STT3B: variants seen among roughly 807,000 people sequenced by gnomAD.
The protein encoded by STT3B is dolichyl-diphosphooligosaccharide--protein glycosyltransferase subunit STT3B.
STT3B carries 29 observed loss-of-function variants against 96.8 expected under a neutral mutation model. The observed-to-expected ratio is 0.30, with a 90% CI of 0.22 to 0.41. STT3B has a LOEUF of 0.41. Among genes scored for constraint, STT3B ranks in the 10% least tolerant of loss-of-function variants. The pLI is 1.00. For synonymous variants in STT3B, 367 were observed against 360.0 expected (o/e 1.02, Z -0.22); for missense variants, 640 against 1,022.3 (o/e 0.63, Z 5.10).
At chr3:31,544,943 CG>C (rs113666822) in intron 1 of STT3B, among the ~76,000 whole-genome samples, 3,929 of 150,966 alleles carry the variant, frequency 0.026, 74 homozygotes, top group South Asian at 0.041. Flanking sequence ...TCTCAGGGAG[CG>C]GGGGGGGAAC....
chr3:31,552,874 C>T (rs1159903055), intron 1 of STT3B, among the ~76,000 whole-genome samples: 4 of 151,974 alleles, frequency 2.6e-5, no homozygotes, highest in Non-Finnish European at 2.9e-5. Context: ...GAGGCCGAGA[C>T]GGGCGGATCA....
intron 1 of STT3B, among the ~76,000 whole-genome samples, chr3:31,557,193 G>A (rs961027228): frequency 1.3e-5 from 2 of 152,180 alleles, no homozygotes; most frequent in Admixed American, 6.5e-5. Context: ...TCAGTTGGCT[G>A]TAAATATGTG....
chr3:31,536,103 G>A (rs1697087817), intron 1 of STT3B, among the ~76,000 whole-genome samples: 1 of 152,082 alleles, frequency 6.6e-6, no homozygotes, highest in African/African-American at 2.4e-5. Context: ...AAGATCTCAC[G>A]TAGTTAGGCA....
At chr3:31,634,091 A>G (rs1699715617) in intron 15 of STT3B, among the ~76,000 whole-genome samples, 1 of 152,206 alleles carries the variant, frequency 6.6e-6, no homozygotes, top group Non-Finnish European at 1.5e-5. Context: ...TTATATGAAT[A>G]TGTGCCAGAT....
At chr3:31,574,845 T>C (rs1322918455) in intron 1 of STT3B, among the ~76,000 whole-genome samples, 2 of 152,146 alleles carry the variant, frequency 1.3e-5, no homozygotes, top group Non-Finnish European at 2.9e-5. Flanking sequence ...TATTTTGAAA[T>C]GTATTGGGAT....
chr3:31,563,759 G>C (rs1401769121), intron 1 of STT3B, among the ~76,000 whole-genome samples: 1 of 152,182 alleles, frequency 6.6e-6, no homozygotes, highest in Non-Finnish European at 1.5e-5. Context: ...TGTTAGGATA[G>C]AGCCAGAACA....
Position 31,532,949 on chromosome 3 carries a change from C to A in STT3B, c.-50C>A. 6.5e-7 allele frequency: 1 copy of A among 1,547,084 alleles called. No individual in the cohort carries two copies. Among genetic ancestry groups the A allele is most frequent in the South Asian group, 1.2e-5 (1 of 84,764 alleles). On this transcript the variant is annotated 5_prime_UTR_variant, in exon 1 of 16. Coordinates refer to ENST00000295770, the MANE Select transcript of STT3B (RefSeq NM_178862.3). ...GGTCCCCGCCCAGCACCCCTCGCAC[C>A]AGGCGGCGGCGGCGGAGGAGGAGAG... is the stretch of plus-strand genomic sequence containing the variant.
chr3:31,556,537 T>C (rs1337606869), intron 1 of STT3B, among the ~76,000 whole-genome samples: 1 of 152,208 alleles, frequency 6.6e-6, no homozygotes, highest in African/African-American at 2.4e-5. Flanking sequence ...GAGTTCTGTT[T>C]TCTCTGCACC....
intron 13 of STT3B, among the ~76,000 whole-genome samples, chr3:31,627,988 T>C (rs1270255510): frequency 1.4e-5 from 2 of 144,818 alleles, no homozygotes; most frequent in African/African-American, 4.9e-5. Flanking sequence ...TATAAGAGGA[T>C]ATACAAAAAA....
intron 1 of STT3B, among the ~76,000 whole-genome samples, chr3:31,556,591 A>G (rs1324760316): frequency 1.3e-5 from 2 of 152,186 alleles, no homozygotes; most frequent in African/African-American, 2.4e-5. Flanking sequence ...TAGCCATTCT[A>G]ACTTGGGTAA....
At chr3:31,625,170 G>C in intron 12 of STT3B, 85 bp downstream of exon 12, 3 of 1,269,896 alleles carry the variant, frequency 2.4e-6, no homozygotes, top group Non-Finnish European at 3.3e-6. Flanking sequence ...TAGGAAAAAT[G>C]TGGGTGAAAA....
chr3:31,548,336 A>T (rs531166005), intron 1 of STT3B, among the ~76,000 whole-genome samples: 8 of 139,370 alleles, frequency 5.7e-5, no homozygotes, highest in Non-Finnish European at 9.6e-5. Context: ...TAAAACAGGG[A>T]AAAAAAATGT....
chr3:31,569,694 G>A (rs1023969354), intron 1 of STT3B, among the ~76,000 whole-genome samples: 17 of 152,040 alleles, frequency 1.1e-4, no homozygotes, highest in African/African-American at 3.9e-4. Context: ...ATTGGACATC[G>A]TTTTTTACTC....
intron 5 of STT3B, among the ~76,000 whole-genome samples, chr3:31,601,403 A>G (rs1698924850): frequency 6.6e-6 from 1 of 152,256 alleles, no homozygotes; most frequent in Non-Finnish European, 1.5e-5. Flanking sequence ...ATGCTACAAC[A>G]TGAACCTTGA....
At chr3:31,549,967 T>G (rs1020147014) in intron 1 of STT3B, among the ~76,000 whole-genome samples, 15 of 152,194 alleles carry the variant, frequency 9.9e-5, no homozygotes, top group Admixed American at 6.5e-4. Flanking sequence ...TTGTATGTGA[T>G]CTTAGATTTT....
intron 1 of STT3B, among the ~76,000 whole-genome samples, chr3:31,534,312 C>T (rs1306900914): frequency 6.6e-6 from 1 of 152,214 alleles, no homozygotes; most frequent in Non-Finnish European, 1.5e-5. Flanking sequence ...CACTAGCTAA[C>T]TTAGACACTA....
intron 1 of STT3B, among the ~76,000 whole-genome samples, chr3:31,563,417 A>G (rs1559366917): frequency 1.3e-5 from 2 of 152,348 alleles, no homozygotes; most frequent in Middle Eastern, 6.8e-3. Context: ...CTTTGTTGTG[A>G]TGGAGCTTAT....
chr3:31,561,884 A>T (rs996499891), intron 1 of STT3B, among the ~76,000 whole-genome samples: 12 of 150,992 alleles, frequency 7.9e-5, no homozygotes, highest in African/African-American at 2.7e-4. Flanking sequence ...TCTCCATATG[A>T]TTTTCTTTTT....
chr3:31,536,682 C>T (rs1697106594), intron 1 of STT3B, among the ~76,000 whole-genome samples: 1 of 152,164 alleles, frequency 6.6e-6, no homozygotes, highest in Admixed American at 6.5e-5. Flanking sequence ...GTACACTGCA[C>T]TTTTTTAACA....
Sources: gnomAD v4.1 joint callset for allele counts (sites outside exome capture counted in the v4.1 genomes callset) on GRCh38, gnomAD v4.1.1 for gene constraint, MANE v1.5 for transcripts, NCBI Gene and HGNC (gene_info 2026-07-23, HGNC 2026-07-21) for gene names.